LNX1: variants seen among roughly 807,000 people sequenced by gnomAD.
The protein encoded by LNX1 is E3 ubiquitin-protein ligase LNX.
A neutral mutation model predicts 68.4 loss-of-function variants in LNX1; 54 were observed. That is an observed-to-expected ratio of 0.79 (90% CI 0.63 to 0.99). The LOEUF is 0.99. LNX1 is among the 50% of genes least tolerant of loss of function. LNX1 has a pLI of 0.00. For synonymous variants in LNX1, 336 were observed against 350.0 expected (o/e 0.96, Z 0.45); for missense variants, 906 against 926.4 (o/e 0.98, Z 0.29).
chr4:53,471,071 C>T (rs142078107), intron 9 of LNX1, among the ~76,000 whole-genome samples: 2 of 25,596 alleles, frequency 7.8e-5, no homozygotes, highest in Non-Finnish European at 1.8e-4. Context: ...GGAGGCATCG[C>T]ACTACCTGAC....
chr4:53,519,545 G>T (rs1727050588), intron 2 of LNX1, among the ~76,000 whole-genome samples: 1 of 151,780 alleles, frequency 6.6e-6, no homozygotes, highest in Non-Finnish European at 1.5e-5. Context: ...GGAAAATGAG[G>T]CTCAAAGAGG....
At chr4:53,649,166 A>G (rs1410280162) in intron 1 of LNX1, among the ~76,000 whole-genome samples, 1 of 152,166 alleles carries the variant, frequency 6.6e-6, no homozygotes, top group African/African-American at 2.4e-5. Context: ...ATTTGTTTAA[A>G]TTTCTGTCTT....
chr4:53,599,870 A>G (rs983955696), intron 2 of LNX1, among the ~76,000 whole-genome samples: 9 of 152,180 alleles, frequency 5.9e-5, no homozygotes, highest in Non-Finnish European at 1.0e-4. Context: ...AAGACTATGT[A>G]TATTTCAGAT....
intron 2 of LNX1, among the ~76,000 whole-genome samples, chr4:53,511,669 C>T (rs1440661649): frequency 6.6e-6 from 1 of 152,092 alleles, no homozygotes; most frequent in Non-Finnish European, 1.5e-5. Flanking sequence ...ATTTTTGTCT[C>T]TTTTGGGGTT....
chr4:53,563,874 A>AG (rs374265224), intron 2 of LNX1, among the ~76,000 whole-genome samples: 1 of 152,200 alleles, frequency 6.6e-6, no homozygotes, highest in African/African-American at 2.4e-5. Context: ...TAAAATGTCA[A>AG]GGGGGTGGGA....
intron 2 of LNX1, chr4:53,522,970 A>G (rs1334366298): frequency 6.6e-6 from 1 of 152,242 alleles, no homozygotes; most frequent in Non-Finnish European, 1.5e-5. Context: ...AATTATTAAC[A>G]TGCTTGTCCT....
intron 4 of LNX1, among the ~76,000 whole-genome samples, chr4:53,499,217 T>A (rs557357001): frequency 6.6e-6 from 1 of 152,328 alleles, no homozygotes; most frequent in South Asian, 2.1e-4. Context: ...TTGCCCAGGC[T>A]GGAATGCAGT....
chr4:53,647,501 G>A (rs1445737820), intron 1 of LNX1, among the ~76,000 whole-genome samples: 1 of 152,046 alleles, frequency 6.6e-6, no homozygotes, highest in Non-Finnish European at 1.5e-5. Flanking sequence ...ATATTTTTCT[G>A]TATATATTTA....
At chr4:53,494,380 G>A (rs1724909340) in intron 6 of LNX1, among the ~76,000 whole-genome samples, 1 of 152,184 alleles carries the variant, frequency 6.6e-6, no homozygotes, top group South Asian at 2.1e-4. Flanking sequence ...CCTTGGGTAT[G>A]TCTTTATCAG....
At chr4:53,608,317 A>G (rs201463731) in intron 2 of LNX1, among the ~76,000 whole-genome samples, 4 of 152,360 alleles carry the variant, frequency 2.6e-5, no homozygotes, top group South Asian at 2.1e-4. Context: ...ATGAACATGC[A>G]CTTTTTAAAA....
At position 53,640,298 on chromosome 4, in the gene LNX1, C is replaced by T. The variant is rs191964297; in HGVS notation, c.-215+11870G>A. 4.0e-3 allele frequency among the ~76,000 whole-genome samples: 614 copies of T among 152,258 alleles called. 10 individuals carry two copies. The highest frequency in any genetic ancestry group is 3.4e-3 in the Non-Finnish European group (233 of 68,014). ...TGGTGGAAAAGCAGACCAGGGAGCC[C>T]ACAAGGAGACAATGATAGAGAAGTC... is the stretch of plus-strand genomic sequence containing the variant. On this transcript the variant is annotated intron_variant, in intron 1 of 2. Transcript: ENST00000507168.
chr4:53,627,171 G>A (rs1577809430), intron 1 of LNX1, among the ~76,000 whole-genome samples: 1 of 152,182 alleles, frequency 6.6e-6, no homozygotes, highest in Non-Finnish European at 1.5e-5. Context: ...GTGGTTTCAG[G>A]GAGAAGGAAA....
At position 53,586,272 on chromosome 4, in the gene LNX1, G is replaced by T. The variant is rs1330003373; in HGVS notation, c.-87+5116C>A. Among the ~76,000 whole-genome samples the T allele has an allele frequency of 3.3e-5, 5 of 152,288 alleles. No individual in the cohort carries two copies. In the East Asian group the frequency reaches 7.7e-4, roughly 24 times the overall value. On this transcript the variant is annotated intron_variant, in intron 1 of 10. Coordinates refer to ENST00000263925, the MANE Select transcript of LNX1 (RefSeq NM_001126328.3). ...CATGTATTCATGCGAGTATGCAGGAGCCTAAACATGCTGCGCTCTATTCAG... is the reference window on the plus strand; with the variant it reads ...CATGTATTCATGCGAGTATGCAGGATCCTAAACATGCTGCGCTCTATTCAG...
At chr4:53,639,901 C>T (rs554122212) in intron 1 of LNX1, among the ~76,000 whole-genome samples, 51 of 152,156 alleles carry the variant, frequency 3.4e-4, no homozygotes, top group African/African-American at 1.1e-3. Context: ...GGCATGTTGG[C>T]GCATGCCTAT....
chr4:53,525,575 T>A (rs1374174715), intron 2 of LNX1, among the ~76,000 whole-genome samples: 1 of 152,182 alleles, frequency 6.6e-6, no homozygotes, highest in Non-Finnish European at 1.5e-5. Context: ...TGTGCCTCAG[T>A]CGAAGTTCAC....
chr4:53,647,936 C>T (rs1486174410), intron 1 of LNX1, among the ~76,000 whole-genome samples: 7 of 152,328 alleles, frequency 4.6e-5, no homozygotes, highest in South Asian at 2.1e-4. Flanking sequence ...TGGCATGTGC[C>T]GGAATTTCCT....
At chr4:53,570,640 T>G (rs1731083993) in intron 2 of LNX1, among the ~76,000 whole-genome samples, 1 of 149,516 alleles carries the variant, frequency 6.7e-6, no homozygotes, top group African/African-American at 2.5e-5. Context: ...AATGTGCACA[T>G]GTACCCTAAA....
intron 2 of LNX1, among the ~76,000 whole-genome samples, chr4:53,518,097 G>T (rs1029764714): frequency 5.9e-5 from 9 of 152,318 alleles, no homozygotes; most frequent in Non-Finnish European, 1.0e-4. Context: ...AAGCTGGAAA[G>T]TCATGTGAAA....
chr4:53,608,827 G>A (rs1408079914), intron 2 of LNX1, among the ~76,000 whole-genome samples: 1 of 152,114 alleles, frequency 6.6e-6, no homozygotes, highest in Non-Finnish European at 1.5e-5. Flanking sequence ...GAGAGAGCTG[G>A]AGGCCATTAT....
Sources: allele counts gnomAD v4.1 joint callset (sites outside exome capture counted in the v4.1 genomes callset), GRCh38; gene constraint gnomAD v4.1.1; transcripts MANE v1.5; gene names NCBI Gene and HGNC (gene_info 2026-07-23, HGNC 2026-07-21).